The following ARHGAP26 variants were observed in gnomAD, a reference collection of about 807,000 sequenced individuals.
The protein encoded by ARHGAP26 is rho GTPase-activating protein 26.
ARHGAP26 carries 38 observed loss-of-function variants against 104.8 expected under a neutral mutation model. The ratio of observed to expected loss-of-function variants is 0.36; its 90% CI spans 0.28 to 0.48. ARHGAP26 has a LOEUF of 0.48. Among genes scored for constraint, ARHGAP26 ranks in the 20% least tolerant of loss-of-function variants. The pLI is 0.99. For missense variants in ARHGAP26, 704 were observed against 947.9 expected (o/e 0.74, Z 3.38); for synonymous variants, 341 against 340.0 (o/e 1.00, Z -0.03).
chr5:143,076,267 G>C (rs1598905302), intron 17 of ARHGAP26, among the ~76,000 whole-genome samples: 1 of 150,772 alleles, frequency 6.6e-6, no homozygotes, highest in Non-Finnish European at 1.5e-5. Flanking sequence ...CAAAATGCTG[G>C]GACTACAAGA....
At chr5:142,963,381 G>A (rs1770748791) in intron 11 of ARHGAP26, among the ~76,000 whole-genome samples, 1 of 151,766 alleles carries the variant, frequency 6.6e-6, no homozygotes, top group Admixed American at 6.6e-5. Context: ...ACCCAGTAAT[G>A]GGATTGCTGG....
At chr5:142,833,771 A>G (rs1404379122) in intron 1 of ARHGAP26, among the ~76,000 whole-genome samples, 1 of 152,224 alleles carries the variant, frequency 6.6e-6, no homozygotes, top group East Asian at 1.9e-4. Flanking sequence ...AGTCTGTGTA[A>G]TCTACCAAGA....
At chr5:143,201,499 G>A (rs542155680) in intron 20 of ARHGAP26, among the ~76,000 whole-genome samples, 1 of 152,298 alleles carries the variant, frequency 6.6e-6, no homozygotes, top group Non-Finnish European at 1.5e-5. Flanking sequence ...TTTGGGTTTG[G>A]TGAGGGGCAG....
At chr5:143,060,058 C>T (rs1786481262) in intron 17 of ARHGAP26, among the ~76,000 whole-genome samples, 15 of 152,276 alleles carry the variant, frequency 9.9e-5, no homozygotes, top group Admixed American at 7.8e-4. Context: ...TTCTCATTTA[C>T]AGCACTGTCC....
chr5:142,827,662 T>C (rs1561910135), intron 1 of ARHGAP26, among the ~76,000 whole-genome samples: 2 of 152,144 alleles, frequency 1.3e-5, no homozygotes, highest in East Asian at 1.9e-4. Context: ...GCGTGGGCTA[T>C]TGAGTTAATG....
intron 18 of ARHGAP26, among the ~76,000 whole-genome samples, chr5:143,122,930 G>C (rs1332259399): frequency 6.6e-6 from 1 of 152,172 alleles, no homozygotes; most frequent in Non-Finnish European, 1.5e-5. Context: ...TAACACATAG[G>C]ACTTCACAAA....
intron 20 of ARHGAP26, among the ~76,000 whole-genome samples, chr5:143,167,518 A>AAAAAAAAAG (rs1802165034): frequency 2.4e-5 from 3 of 123,676 alleles, no homozygotes; most frequent in African/African-American, 9.8e-5. Flanking sequence ...AAAAAAAAAA[A>AAAAAAAAAG]GAAATCCATT....
intron 1 of ARHGAP26, among the ~76,000 whole-genome samples, chr5:142,801,923 C>T (rs1390209494): frequency 6.6e-6 from 1 of 152,198 alleles, no homozygotes; most frequent in Non-Finnish European, 1.5e-5. Context: ...GAGTTGCCTT[C>T]TGTCTGGTGA....
intron 22 of ARHGAP26, among the ~76,000 whole-genome samples, chr5:143,221,867 C>T (rs1258679643): frequency 6.6e-6 from 1 of 152,020 alleles, no homozygotes; most frequent in East Asian, 1.9e-4. Flanking sequence ...AGCAGTCTTC[C>T]ATGGGCACTG....
chr5:142,934,567 A>T (rs1445422178), intron 11 of ARHGAP26, among the ~76,000 whole-genome samples: 1 of 152,202 alleles, frequency 6.6e-6, no homozygotes, highest in Non-Finnish European at 1.5e-5. Flanking sequence ...GTAGACAATT[A>T]GCAGCTCCAG....
At chr5:143,174,522 G>T (rs1014496074) in intron 20 of ARHGAP26, among the ~76,000 whole-genome samples, 1 of 152,130 alleles carries the variant, frequency 6.6e-6, no homozygotes, top group Non-Finnish European at 1.5e-5. Context: ...TATTTTTCCT[G>T]TCTACCCTTT....
At chr5:143,218,809 A>G (rs1481820915) in intron 22 of ARHGAP26, among the ~76,000 whole-genome samples, 1 of 152,254 alleles carries the variant, frequency 6.6e-6, no homozygotes, top group Non-Finnish European at 1.5e-5. Context: ...TTTGATGTTC[A>G]GAGCATTGGG....
At chr5:142,949,922 A>T (rs1227379001) in intron 11 of ARHGAP26, among the ~76,000 whole-genome samples, 1 of 152,234 alleles carries the variant, frequency 6.6e-6, no homozygotes, top group Non-Finnish European at 1.5e-5. Context: ...AATAAATGAA[A>T]ACTATTGACC....
chr5:142,877,881 A>G (rs540756104), intron 3 of ARHGAP26, among the ~76,000 whole-genome samples: 54 of 152,354 alleles, frequency 3.5e-4, no homozygotes, highest in Admixed American at 1.3e-3. Context: ...ACACCTTTGT[A>G]AGCTTCAGAG....
intron 20 of ARHGAP26, among the ~76,000 whole-genome samples, chr5:143,196,471 C>A (rs1017955459): frequency 2.0e-5 from 3 of 152,142 alleles, no homozygotes; most frequent in Non-Finnish European, 4.4e-5. Context: ...TTTTCATCAC[C>A]TGATCAGTAC....
At chr5:143,047,902 G>C (rs1784441253) in intron 14 of ARHGAP26, among the ~76,000 whole-genome samples, 1 of 151,536 alleles carries the variant, frequency 6.6e-6, no homozygotes, top group Non-Finnish European at 1.5e-5. Flanking sequence ...CACTGCAGTG[G>C]CTAAGTGTTG....
At chr5:142,835,879 T>C (rs1027151405) in intron 1 of ARHGAP26, among the ~76,000 whole-genome samples, 53 of 152,250 alleles carry the variant, frequency 3.5e-4, no homozygotes, top group Admixed American at 3.5e-3. Flanking sequence ...TATTAACTTG[T>C]ACAATCAAAT....
At chr5:142,845,441 C>A (rs761870708) in intron 1 of ARHGAP26, among the ~76,000 whole-genome samples, 3 of 152,164 alleles carry the variant, frequency 2.0e-5, no homozygotes, top group Admixed American at 1.3e-4. Flanking sequence ...TCTTCTGTGC[C>A]ATGCAGTTCC....
intron 20 of ARHGAP26, among the ~76,000 whole-genome samples, chr5:143,163,967 T>TC (rs1020786451): frequency 6.6e-6 from 1 of 151,760 alleles, no homozygotes; most frequent in African/African-American, 2.4e-5. Flanking sequence ...TGCAATTTGA[T>TC]CATTTGCATG....
Sources: gnomAD v4.1 joint callset for allele counts (sites outside exome capture counted in the v4.1 genomes callset) on GRCh38, gnomAD v4.1.1 for gene constraint, MANE v1.5 for transcripts, NCBI Gene and HGNC (gene_info 2026-07-23, HGNC 2026-07-21) for gene names.